Variants in SLC7A2 observed in about 807,000 individuals in gnomAD.
The protein encoded by SLC7A2 is cationic amino acid transporter 2.
SLC7A2 carries 48 observed loss-of-function variants against 58.9 expected under a neutral mutation model. The observed-to-expected ratio is 0.82, with a 90% CI of 0.65 to 1.04. The LOEUF is 1.04. Among genes scored for constraint, SLC7A2 ranks in the 50% least tolerant of loss-of-function variants. The pLI is 0.00. For missense variants in SLC7A2, 1,029 were observed against 818.8 expected, an observed-to-expected ratio of 1.26 and a Z score of -3.13; for synonymous variants, 363 against 314.5, an observed-to-expected ratio of 1.15 and a Z score of -1.63.
upstream of SLC7A2, among the ~76,000 whole-genome samples, chr8:17,496,733 C>G (rs1338518143): frequency 2.0e-5 from 3 of 152,118 alleles, no homozygotes; most frequent in African/African-American, 7.2e-5. Context: ...GGAAAGTAAA[C>G]GGGGGGACCA....
chr8:17,537,248 G>A (rs970416902), intron 2 of SLC7A2, among the ~76,000 whole-genome samples: 6 of 151,950 alleles, frequency 3.9e-5, no homozygotes, highest in African/African-American at 1.2e-4. Context: ...GTAGAGATGG[G>A]GTTTCACCAC....
chr8:17,560,219 C>G, intron 9 of SLC7A2, 109 bp from the exon 10 acceptor site: 2 of 759,724 alleles, frequency 2.6e-6, no homozygotes, highest in South Asian at 1.6e-5. Flanking sequence ...TTGATTTACT[C>G]TACACACTAT....
In SLC7A2 at chr8:17,569,601, C is replaced by T. The variant is rs570174874; in HGVS notation, c.*4455C>T. The T allele has an allele frequency of 6.6e-6, 1 of 152,020 alleles. No individual in the cohort carries two copies. Among genetic ancestry groups the T allele is most frequent in the African/African-American group, 2.4e-5 (1 of 41,390 alleles). The allele number at this position is 152,020 out of a possible 1,614,324, so 9.4% of individuals were successfully genotyped here. A position where few individuals can be genotyped will look rare whatever the true frequency, so the allele number is the denominator to read the frequency against. On this transcript the variant is annotated 3_prime_UTR_variant, in exon 13 of 13. Coordinates refer to ENST00000494857, the MANE Select transcript of SLC7A2 (RefSeq NM_001370338.1). ...ATATTAAACACTTTAAAATAGCCTT[C>T]CGGTTTCTGGATTTTGAGAAGCCTG... is the stretch of plus-strand genomic sequence containing the variant.
At chr8:17,538,734 T>C (rs1465399548) in intron 2 of SLC7A2, 10 of 1,501,314 alleles carry the variant, frequency 6.7e-6, no homozygotes, top group Non-Finnish European at 9.1e-6. Context: ...ATGGTAAAGA[T>C]CCCTACTTAT....
chr8:17,505,724 T>C (rs775656993), intron 2 of SLC7A2, among the ~76,000 whole-genome samples: 5 of 152,196 alleles, frequency 3.3e-5, no homozygotes, highest in Non-Finnish European at 7.3e-5. Context: ...TTATCTAAAA[T>C]TGGAGCATCT....
At chr8:17,511,347 C>T (rs1800597891) in intron 2 of SLC7A2, 2 of 152,152 alleles carry the variant, frequency 1.3e-5, no homozygotes, top group African/African-American at 2.4e-5. Flanking sequence ...ATGTTTCCAG[C>T]ACTTTTATTT....
chr8:17,529,308 A>G (rs1277006002), intron 2 of SLC7A2, among the ~76,000 whole-genome samples: 1 of 152,062 alleles, frequency 6.6e-6, no homozygotes, highest in South Asian at 2.1e-4. Flanking sequence ...TGCTGCCCTT[A>G]GTTGACTTGT....
chr8:17,517,722 A>G (rs1384398300), intron 2 of SLC7A2, among the ~76,000 whole-genome samples: 1 of 152,092 alleles, frequency 6.6e-6, no homozygotes, highest in Admixed American at 6.6e-5. Flanking sequence ...AAAAGTTAAA[A>G]TCTATTGGAG....
chr8:17,502,356 A>T (rs1053277109), intron 2 of SLC7A2, 54 bp downstream of exon 2: 2 of 147,768 alleles, frequency 1.4e-5, no homozygotes, highest in Non-Finnish European at 3.0e-5. Flanking sequence ...AAGGACTGAT[A>T]AAAAAAAAAT....
intron 12 of SLC7A2, 35 bp downstream of exon 12, chr8:17,563,746 T>A: frequency 1.6e-6 from 2 of 1,255,868 alleles, no homozygotes; most frequent in Non-Finnish European, 2.3e-6. Context: ...CTTTCCTATT[T>A]CATGTGCTGT....
chr8:17,552,013 G>A (rs955979780), intron 7 of SLC7A2, 27 bp downstream of exon 7: 2 of 1,592,374 alleles, frequency 1.3e-6, no homozygotes, highest in Non-Finnish European at 1.7e-6. Context: ...TTGGGGCACG[G>A]GCTGTTTGGG....
At position 17,551,930 on chromosome 8, in the gene SLC7A2, A is replaced by T. The variant is rs1438081484; in HGVS notation, c.999A>T (p.Gly333=). Residue 333 remains glycine (G), a synonymous_variant, in exon 7 of 13, where the codon GGA becomes GGT. Transcript: ENST00000494857. ...TTCCTGTAGCGTTTGAATATGTGGG[A>T]TGGGGTCCTGCCAAATATGTCGTCG... The part of the protein sequence containing the change: ...SPLPVAFEYV[G]WGPAKYVVAA... 1 of 1,613,934 alleles carries T rather than the reference A, an allele frequency of 6.2e-7. No individual in the cohort carries two copies. Among genetic ancestry groups the T allele is most frequent in the Non-Finnish European group, 8.5e-7 (1 of 1,179,988 alleles).
At chr8:17,501,811 C>A (rs1269451108) in intron 1 of SLC7A2, among the ~76,000 whole-genome samples, 2 of 151,784 alleles carry the variant, frequency 1.3e-5, no homozygotes, top group African/African-American at 4.8e-5. Flanking sequence ...CAGAACTGAG[C>A]CTAATCTGGG....
chr8:17,529,470 A>G (rs1801350000), intron 2 of SLC7A2, among the ~76,000 whole-genome samples: 1 of 152,152 alleles, frequency 6.6e-6, no homozygotes, highest in South Asian at 2.1e-4. Context: ...AATCCTACCC[A>G]AGTGCCATGG....
intron 2 of SLC7A2, among the ~76,000 whole-genome samples, chr8:17,528,065 C>G (rs570483310): frequency 1.3e-5 from 2 of 152,184 alleles, no homozygotes; most frequent in Admixed American, 1.3e-4. Flanking sequence ...GAAGAAACAA[C>G]AGTGCAGAAC....
chr8:17,554,683 A>T lies in SLC7A2; in HGVS notation c.1179A>T (p.Ser393=), dbSNP rs1307397392. The change falls in exon 8 of 13, where the codon TCA becomes TCT. Residue 393 remains serine (S), a synonymous_variant. Transcript: ENST00000494857. ...KTKTPIIATL[S]SGAVAALMAF... The stretch of plus-strand genomic sequence containing the variant: ...AGACACCAATAATTGCTACTTTATC[A>T]TCGGGTGCAGTGGCAGGTGAGAGAG... 1 of 1,611,892 alleles carries T rather than the reference A, an allele frequency of 6.2e-7. No individual in the cohort carries two copies. The highest frequency in any genetic ancestry group is 8.5e-7 in the Non-Finnish European group (1 of 1,179,500).
In SLC7A2 at chr8:17,565,115, T is replaced by C; in HGVS notation, c.1946T>C (p.Phe649Ser). 1 of 1,613,364 alleles carries C rather than the reference T, an allele frequency of 6.2e-7. No individual in the cohort carries two copies. Among genetic ancestry groups the C allele is most frequent in the Non-Finnish European group, 8.5e-7 (1 of 1,179,758 alleles). Reference sequence around the variant, plus strand: ...CACCCAAGAAATCTCAGTTCACCTTTCATATTCCATGAAAAGACAAGTGAA... The same window carrying C: ...CACCCAAGAAATCTCAGTTCACCTTCCATATTCCATGAAAAGACAAGTGAA... Reference protein sequence around the residue: ...DHHPRNLSSPFIFHEKTSEF With the variant: ...DHHPRNLSSPSIFHEKTSEF The change falls in exon 13 of 13, where the codon TTC (phenylalanine) becomes TCC (serine). Residue 649 changes from phenylalanine (F) to serine (S), a missense_variant. Phe to Ser is a radical substitution (Grantham distance 155). Transcript: ENST00000494857.
upstream of SLC7A2, chr8:17,497,031 C>G (rs1303434344): frequency 1.3e-5 from 2 of 148,636 alleles, no homozygotes; most frequent in Admixed American, 1.3e-4. Context: ...GCCGCCCGGC[C>G]CCGCGCCCCG....
At chr8:17,525,442 C>A (rs974510493) in intron 2 of SLC7A2, among the ~76,000 whole-genome samples, 1 of 152,094 alleles carries the variant, frequency 6.6e-6, no homozygotes, top group Admixed American at 6.5e-5. Context: ...TAGTATTTGT[C>A]CCATTTTCTT....
Sources: allele counts gnomAD v4.1 joint callset (sites outside exome capture counted in the v4.1 genomes callset), GRCh38; gene constraint gnomAD v4.1.1; transcripts MANE v1.5; gene names NCBI Gene and HGNC (gene_info 2026-07-23, HGNC 2026-07-21).